Variants in ADAM18 observed in about 807,000 individuals in gnomAD.
The protein encoded by ADAM18 is disintegrin and metalloproteinase domain-containing protein 18.
Under a neutral mutation model 94.4 loss-of-function variants are expected in ADAM18, and 117 were observed. The observed-to-expected ratio is 1.24, with a 90% CI of 1.07 to 1.45. The LOEUF (loss-of-function observed/expected upper bound fraction) is 1.45. Ranked by LOEUF, ADAM18 falls within the 40% of genes most tolerant of loss-of-function variation. ADAM18 has a pLI of 0.00. For synonymous variants in ADAM18, 327 were observed against 291.6 expected (o/e 1.12, Z -1.24); for missense variants, 936 against 880.0 (o/e 1.06, Z -0.81).
At position 39,680,103 on chromosome 8, in the gene ADAM18, A is replaced by G. The variant is rs1414826573; in HGVS notation, c.1698A>G (p.Gln566=). The G allele has an allele frequency of 1.9e-6, 3 of 1,613,774 alleles. No individual in the cohort carries two copies. Among genetic ancestry groups the G allele is most frequent in the South Asian group, 1.1e-5 (1 of 91,072 alleles). Residue 566 remains glutamine, a synonymous_variant, in exon 16 of 20, where the codon CAA becomes CAG. Transcript: ENST00000265707. ...AAAATGCTAATAAAAGTGACGCTCA[A>G]TCTACAGTTTATTCATATATTCAAG... ...PHKNANKSDA[Q]STVYSYIQDH...
At chr8:39,635,551 C>A (rs1187172492) in intron 7 of ADAM18, among the ~76,000 whole-genome samples, 1 of 152,230 alleles carries the variant, frequency 6.6e-6, no homozygotes, top group Admixed American at 6.5e-5. Context: ...GTAATCAAAA[C>A]ATAAAAGTTA....
intron 17 of ADAM18, among the ~76,000 whole-genome samples, chr8:39,695,368 A>T (rs964125654): frequency 4.0e-5 from 6 of 151,514 alleles, no homozygotes; most frequent in African/African-American, 1.2e-4. Context: ...AGTGAATGAG[A>T]GTTCTTGTGG....
Position 39,610,711 on chromosome 8 carries a change from C to T in ADAM18, c.522+5C>T, listed in dbSNP as rs757629778. 2 of 1,611,542 alleles carry T rather than the reference C, an allele frequency of 1.2e-6. No individual in the cohort carries two copies. Among genetic ancestry groups the T allele is most frequent in the Non-Finnish European group, 1.7e-6 (2 of 1,178,904 alleles). On this transcript the variant is annotated splice_donor_5th_base_variant and intron_variant, in intron 6 of 19. Transcript: ENST00000265707. Reference sequence around the variant, plus strand: ...AAAGTTCCTTTAAACTCACAGGTGACTGTCATCATTCTGATGTTATGACAT... The same window carrying T: ...AAAGTTCCTTTAAACTCACAGGTGATTGTCATCATTCTGATGTTATGACAT...
At chr8:39,699,443 T>G (rs897978476) in intron 17 of ADAM18, among the ~76,000 whole-genome samples, 2 of 152,126 alleles carry the variant, frequency 1.3e-5, no homozygotes, top group Non-Finnish European at 1.5e-5. Flanking sequence ...GTGAATTTCC[T>G]AAAGCTGAAT....
chr8:39,639,451 C>T (rs3852338), intron 10 of ADAM18, among the ~76,000 whole-genome samples: 99,407 of 151,798 alleles, frequency 0.65, 33,268 homozygotes, highest in African/African-American at 0.74. Flanking sequence ...TCTTTTACCA[C>T]GTATTTCTTA....
chr8:39,662,734 CTTGCCTCAGCGTCCTGAGTAGCTGGGA>C (rs1302001556), intron 12 of ADAM18, among the ~76,000 whole-genome samples: 1 of 152,184 alleles, frequency 6.6e-6, no homozygotes, highest in Non-Finnish European at 1.5e-5. Flanking sequence ...AAGCGAGTCT[CTTGCCTCAGCGTCCTGAGTAGCTGGGA>C]TTACAGGCAC....
intron 12 of ADAM18, among the ~76,000 whole-genome samples, chr8:39,661,127 AC>A (rs1820821756): frequency 6.7e-6 from 1 of 149,968 alleles, no homozygotes. Flanking sequence ...TAAAAAAAAA[AC>A]CAAAAAACAA....
intron 14 of ADAM18, among the ~76,000 whole-genome samples, chr8:39,675,839 G>T (rs1821286097): frequency 6.6e-6 from 1 of 151,876 alleles, no homozygotes; most frequent in Non-Finnish European, 1.5e-5. Context: ...TGACATTGAT[G>T]CTATTTCTTT....
intron 2 of ADAM18, among the ~76,000 whole-genome samples, chr8:39,588,148 C>T (rs1427915421): frequency 6.6e-6 from 1 of 152,014 alleles, no homozygotes; most frequent in Non-Finnish European, 1.5e-5. Flanking sequence ...TCTCCATTCC[C>T]ACCAATAGTG....
Position 39,637,652 on chromosome 8 carries a change from G to A in ADAM18, c.776G>A (p.Trp259Ter), listed in dbSNP as rs1820120532. The A allele has an allele frequency of 1.9e-6, 3 of 1,612,590 alleles. No individual in the cohort carries two copies. Among genetic ancestry groups the A allele is most frequent in the Non-Finnish European group, 2.5e-6 (3 of 1,179,186 alleles). The change falls in exon 9 of 20, where the codon TGG (tryptophan) becomes TAG (stop). Residue 259 changes from tryptophan to a stop codon, truncating the protein, a stop_gained. Transcript: ENST00000265707. LOFTEE classifies it high-confidence loss of function. ...GATATATTACAAAGATTTTTGGCATGGAAACGGGACTATCTCATCCTACGG... is the reference window on the plus strand; with the variant it reads ...GATATATTACAAAGATTTTTGGCATAGAAACGGGACTATCTCATCCTACGG... Reference protein sequence around the residue: ...ADDILQRFLAWKRDYLILRPH... With the variant: ...ADDILQRFLA
intron 7 of ADAM18, among the ~76,000 whole-genome samples, chr8:39,635,533 A>AATATAG (rs1455534564): frequency 3.3e-5 from 5 of 152,318 alleles, no homozygotes; most frequent in African/African-American, 1.2e-4. Flanking sequence ...TTATATAATC[A>AATATAG]TAATATAGTA....
chr8:39,615,860 T>C (rs551510938), intron 6 of ADAM18, among the ~76,000 whole-genome samples: 218 of 152,094 alleles, frequency 1.4e-3, no homozygotes, highest in Non-Finnish European at 2.6e-3. Flanking sequence ...TTCAGCAAAG[T>C]TTCAGGATAC....
At chr8:39,601,292 C>T (rs1226530499) in intron 2 of ADAM18, among the ~76,000 whole-genome samples, 1 of 152,232 alleles carries the variant, frequency 6.6e-6, no homozygotes, top group East Asian at 1.9e-4. Flanking sequence ...GTCTTCCAGC[C>T]CAATGTGGCA....
chr8:39,666,332 G>A (rs141994573), intron 13 of ADAM18, among the ~76,000 whole-genome samples: 5 of 152,154 alleles, frequency 3.3e-5, no homozygotes, highest in African/African-American at 4.8e-5. Flanking sequence ...TAGCCACCAC[G>A]CCTGGCTACT....
intron 14 of ADAM18, among the ~76,000 whole-genome samples, chr8:39,674,604 G>A (rs1473458857): frequency 6.6e-6 from 1 of 151,948 alleles, no homozygotes; most frequent in Non-Finnish European, 1.5e-5. Context: ...TTTAACTGGG[G>A]GCATTTAGCC....
intron 11 of ADAM18, among the ~76,000 whole-genome samples, chr8:39,647,234 C>CAA (rs72204674): frequency 0.42 from 54,932 of 129,814 alleles, 12,008 homozygotes; most frequent in Non-Finnish European, 0.5. Context: ...AGAAAGTCAG[C>CAA]AAAAAAAAAA....
chr8:39,648,473 G>C lies in ADAM18; in HGVS notation c.1176G>C (p.Val392=), dbSNP rs1359911211. The part of the protein sequence containing the change: ...NLQPLHQNQP[V]CGNGILESNE... Reference sequence around the variant, plus strand: ...AACCATTACATCAAAATCAACCAGTGTGTGGTAATGGGATTTTGGAATCCA... The same window carrying C: ...AACCATTACATCAAAATCAACCAGTCTGTGGTAATGGGATTTTGGAATCCA... The change falls in exon 12 of 20, where the codon GTG becomes GTC. Residue 392 remains valine (V), a synonymous_variant. Transcript: ENST00000265707. The C allele has an allele frequency of 1.2e-6, 2 of 1,612,846 alleles. No homozygotes were observed. The highest frequency in any genetic ancestry group is 1.7e-6 in the Non-Finnish European group (2 of 1,179,446).
intron 12 of ADAM18, 37 bp from the exon 13 acceptor site, chr8:39,663,758 T>C (rs1820914607): frequency 7.0e-7 from 1 of 1,418,468 alleles, no homozygotes; most frequent in African/African-American, 1.4e-5. Flanking sequence ...TTTTAAGTGG[T>C]TAAACTGTAA....
intron 10 of ADAM18, among the ~76,000 whole-genome samples, chr8:39,644,629 G>A (rs1459085819): frequency 2.0e-5 from 3 of 151,986 alleles, no homozygotes; most frequent in African/African-American, 2.4e-5. Context: ...TCTGGCTTCT[G>A]TCCTGTCATT....
Sources: allele counts gnomAD v4.1 joint callset (sites outside exome capture counted in the v4.1 genomes callset), GRCh38; gene constraint gnomAD v4.1.1; transcripts MANE v1.5; gene names NCBI Gene and HGNC (gene_info 2026-07-23, HGNC 2026-07-21).